The following DSCAML1 variants were observed in gnomAD, a reference collection of about 807,000 sequenced individuals.
DSCAML1 encodes DS cell adhesion molecule like 1.
In DSCAML1, 38 loss-of-function variants were observed where a neutral mutation model predicts 200.5. The ratio of observed to expected loss-of-function variants is 0.19; its 90% CI spans 0.15 to 0.25. The LOEUF (loss-of-function observed/expected upper bound fraction) is 0.25, where lower values mean the gene tolerates loss of function less well. Among genes scored for constraint, DSCAML1 ranks in the 10% least tolerant of loss-of-function variants. The pLI is 1.00. For missense variants in DSCAML1, 2,223 were observed against 2,858.8 expected, an observed-to-expected ratio of 0.78 and a Z score of 5.07; for synonymous variants, 1,215 against 1,165.0, an observed-to-expected ratio of 1.04 and a Z score of -0.87.
intron 3 of DSCAML1, among the ~76,000 whole-genome samples, chr11:117,664,419 G>A (rs1443531542): frequency 6.6e-6 from 1 of 152,124 alleles, no homozygotes; most frequent in Non-Finnish European, 1.5e-5. Context: ...TACTTCCCAG[G>A]GCCCCTCTGA....
At chr11:117,587,203 A>G (rs1398416886) in intron 3 of DSCAML1, among the ~76,000 whole-genome samples, 1 of 151,676 alleles carries the variant, frequency 6.6e-6, no homozygotes, top group Non-Finnish European at 1.5e-5. Flanking sequence ...TAGCTGATAC[A>G]TGGACAACGA....
At chr11:117,593,362 T>TGGGGCCTG (rs892032687) in intron 3 of DSCAML1, among the ~76,000 whole-genome samples, 4 of 152,224 alleles carry the variant, frequency 2.6e-5, no homozygotes, top group African/African-American at 7.2e-5. Context: ...TGCACCTCGC[T>TGGGGCCTG]GGGGCCTGGG....
In DSCAML1 at chr11:117,780,244, G is replaced by GAAAC; in HGVS notation, c.364+248_364+249insGTTT. On this transcript the variant is annotated intron_variant, in intron 2 of 32. Coordinates refer to ENST00000651296, the MANE Select transcript of DSCAML1 (RefSeq NM_020693.4). This position sits in a 1 kb window ranked among gnomAD's most constrained non-coding sequence, Gnocchi z 4.8. Reference sequence around the variant, plus strand: ...GAAAGAAAGAAAGGAAAGAAAGAAAGAAAGAAAGAAAGAAAGAAAGAAAGA... The same window carrying GAAAC: ...GAAAGAAAGAAAGGAAAGAAAGAAAGAAACAAAGAAAGAAAGAAAGAAAGAAAGA... Among the ~76,000 whole-genome samples, 1 of 69,548 alleles carries GAAAC rather than the reference G, an allele frequency of 1.4e-5. No homozygotes were observed. Among genetic ancestry groups the GAAAC allele is most frequent in the Non-Finnish European group, 3.2e-5 (1 of 31,088 alleles). The allele number at this position is 69,548 out of a possible 152,430, so 45.6% of individuals were successfully genotyped here. A position where few individuals can be genotyped will look rare whatever the true frequency, so the allele number is the denominator to read the frequency against.
chr11:117,805,540 GT>G (rs2055701490), intron 1 of DSCAML1, among the ~76,000 whole-genome samples: 1 of 152,030 alleles, frequency 6.6e-6, no homozygotes, highest in Non-Finnish European at 1.5e-5. Flanking sequence ...TGTGGGAGTT[GT>G]TTTTGTTTTT....
rs557365530 is a variant in DSCAML1 at position 117,468,559 on chromosome 11, C to T, written c.3024+1351G>A. Among the ~76,000 whole-genome samples the T allele has an allele frequency of 1.0e-3, 159 of 152,284 alleles. 1 individual carries two copies. The highest frequency in any genetic ancestry group is 6.8e-3 in the Middle Eastern group (2 of 294). On this transcript the variant is annotated intron_variant, in intron 16 of 32. Coordinates refer to ENST00000651296, the MANE Select transcript of DSCAML1 (RefSeq NM_020693.4). ...CTAGGATACAGGTCCACAGCCAGGA[C>T]GCAGCCAAGAGTTTGGGATTGGATG...
At chr11:117,714,503 A>G (rs4938428) in intron 3 of DSCAML1, among the ~76,000 whole-genome samples, 149,207 of 152,244 alleles carry the variant, frequency 0.98, 73,194 homozygotes, top group Middle Eastern at 1. Flanking sequence ...CATTACCCAC[A>G]TGAAGAAAAG....
chr11:117,472,051 C>T lies in DSCAML1; in HGVS notation c.2786-15G>A. Reference sequence around the variant, plus strand: ...GTCCCAGGAATCTGGAGAGAAGACACCTATGTCAAAGCATGGCCAGGCAAA... The same window carrying T: ...GTCCCAGGAATCTGGAGAGAAGACATCTATGTCAAAGCATGGCCAGGCAAA... On this transcript the variant is annotated splice_polypyrimidine_tract_variant and intron_variant, in intron 14 of 32. Transcript: ENST00000651296. 1 of 1,611,806 alleles carries T rather than the reference C, an allele frequency of 6.2e-7. No individual in the cohort carries two copies. The highest frequency in any genetic ancestry group is 8.5e-7 in the Non-Finnish European group (1 of 1,178,258).
intron 11 of DSCAML1, among the ~76,000 whole-genome samples, chr11:117,487,372 G>A (rs1037723318): frequency 9.2e-5 from 14 of 152,106 alleles, no homozygotes; most frequent in Non-Finnish European, 1.8e-4. Flanking sequence ...TTTGGCTCAC[G>A]TTATGGTTCT....
Position 117,465,012 on chromosome 11 carries a change from C to T in DSCAML1, c.3195G>A (p.Val1065=), listed in dbSNP as rs776864884. The T allele has an allele frequency of 1.2e-6, 2 of 1,614,082 alleles. No individual in the cohort carries two copies. The highest frequency in any genetic ancestry group is 4.5e-5 in the East Asian group (2 of 44,858). Residue 1065 remains valine (V), a synonymous_variant, in exon 17 of 33, where the codon GTG becomes GTA. Transcript: ENST00000651296. ...NLKKFAQYGV[V]VQAFNRAGTG... ...TGCCAGCCCGATTGAAGGCTTGGAC[C>T]ACCACCCCATACTGGGCGAACTTCT...
In DSCAML1 at chr11:117,524,941, C is replaced by T. The variant is rs768785823; in HGVS notation, c.801G>A (p.Pro267=). The T allele has an allele frequency of 2.2e-5, 35 of 1,613,332 alleles. No homozygotes were observed. Among genetic ancestry groups the T allele is most frequent in the Middle Eastern group, 3.3e-4 (2 of 6,052 alleles). Residue 267 remains proline (P), a synonymous_variant, in exon 5 of 33, where the codon CCG becomes CCA. Transcript: ENST00000651296. ...TGCGCTTGGTCCAGCGGCTGTCAGCCGGGAGGGGCCGGCCATCCTTGAGCC... is the reference window on the plus strand; with the variant it reads ...TGCGCTTGGTCCAGCGGCTGTCAGCTGGGAGGGGCCGGCCATCCTTGAGCC... ...IRWLKDGRPL[P]ADSRWTKRIT... is the part of the protein sequence containing the mutation.
chr11:117,711,985 C>T (rs1565888694), intron 3 of DSCAML1, among the ~76,000 whole-genome samples: 2 of 152,162 alleles, frequency 1.3e-5, no homozygotes, highest in African/African-American at 2.4e-5. Flanking sequence ...TGTTGCAGTG[C>T]GTTTGTGGAC....
rs545154889 is a variant in DSCAML1 at position 117,547,099 on chromosome 11, A to G, written c.512-14577T>C. Among the ~76,000 whole-genome samples, 9 of 152,308 alleles carry G rather than the reference A, an allele frequency of 5.9e-5. No individual in the cohort carries two copies. In the South Asian group the frequency reaches 1.9e-3, roughly 32 times the overall value. ...GGGAGAGAGGTTTGTTGAACAAACTATGAAAACAAGATGCCATAATAACAG... is the reference window on the plus strand; with the variant it reads ...GGGAGAGAGGTTTGTTGAACAAACTGTGAAAACAAGATGCCATAATAACAG... On this transcript the variant is annotated intron_variant, in intron 3 of 32. Coordinates refer to ENST00000651296, the MANE Select transcript of DSCAML1 (RefSeq NM_020693.4).
chr11:117,518,694 T>C lies in DSCAML1; in HGVS notation c.1282A>G (p.Met428Val), dbSNP rs111787247. Residue 428 changes from methionine (M) to valine (V), a missense_variant, in exon 7 of 33, where the codon ATG becomes GTG. By Grantham distance (21) the Met-to-Val change is conservative (BLOSUM62 1). Around this residue, in one of 7 missense-constraint regions of DSCAML1, gnomAD observed 579 missense variants for 721.5 expected, o/e 0.80. Coordinates refer to ENST00000651296, the MANE Select transcript of DSCAML1 (RefSeq NM_020693.4). This position sits in a 1 kb window ranked among gnomAD's most constrained non-coding sequence, Gnocchi z 6.3. ...GGCGGGGCGCCCTTGGCCGCACACATCAGTGAGAACTGCTCCCCGGGGTTG... is the reference window on the plus strand; with the variant it reads ...GGCGGGGCGCCCTTGGCCGCACACACCAGTGAGAACTGCTCCCCGGGGTTG... ...VVNPGEQFSL[M>V]CAAKGAPPPT... The C allele has an allele frequency of 1.3e-5, 21 of 1,613,320 alleles. No homozygotes were observed. In the African/African-American group the frequency reaches 1.7e-4, roughly 13 times the overall value.
chr11:117,617,654 T>C (rs1394580744), intron 3 of DSCAML1, among the ~76,000 whole-genome samples: 1 of 146,122 alleles, frequency 6.8e-6, no homozygotes, highest in Non-Finnish European at 1.5e-5. Flanking sequence ...CACAACACAC[T>C]GCCACAAGAC....
intron 3 of DSCAML1, among the ~76,000 whole-genome samples, chr11:117,597,559 C>T (rs987735106): frequency 3.3e-5 from 5 of 152,242 alleles, no homozygotes; most frequent in African/African-American, 1.2e-4. Context: ...AGCAATTCTC[C>T]TACCTCAGCC....
rs767055301 is a variant in DSCAML1, at chr11:117,481,990, G to T, written c.2532C>A (p.Asn844Lys). Residue 844 changes from asparagine (N) to lysine (K), a missense_variant, in exon 12 of 33, where the codon AAC (asparagine) becomes AAA (lysine). Coordinates refer to ENST00000651296, the MANE Select transcript of DSCAML1 (RefSeq NM_020693.4). ...TCAGTGTGGAGACGACCTCGTCGCC[G>T]TTGTCCTTGGTGGCGATGGCATACC... Reference protein sequence around the residue: ...VMRYAIATKDNGDEVVSTLKL... With the variant: ...VMRYAIATKDKGDEVVSTLKL... 4 of 1,614,152 alleles carry T rather than the reference G, an allele frequency of 2.5e-6. No homozygotes were observed. Among genetic ancestry groups the T allele is most frequent in the Non-Finnish European group, 3.4e-6 (4 of 1,180,002 alleles).
intron 3 of DSCAML1, among the ~76,000 whole-genome samples, chr11:117,732,159 T>A (rs2054233093): frequency 6.6e-6 from 1 of 152,224 alleles, no homozygotes; most frequent in South Asian, 2.1e-4. Context: ...GAAGAACAGG[T>A]GAATGCTGAT....
At chr11:117,441,820 G>A (rs142565261) in intron 21 of DSCAML1, among the ~76,000 whole-genome samples, 6 of 152,268 alleles carry the variant, frequency 3.9e-5, no homozygotes, top group Admixed American at 2.6e-4. Context: ...AGACAGGCCC[G>A]GCAGAGGGGT....
At chr11:117,704,027 T>C (rs760759061) in intron 3 of DSCAML1, among the ~76,000 whole-genome samples, 3 of 151,088 alleles carry the variant, frequency 2.0e-5, no homozygotes, top group African/African-American at 7.3e-5. Context: ...GGATCACCCA[T>C]GAGACTCTAA....
Sources: allele counts gnomAD v4.1 joint callset (sites outside exome capture counted in the v4.1 genomes callset), GRCh38; gene constraint gnomAD v4.1.1; regional missense constraint gnomAD v4.1.1; non-coding constraint Gnocchi (gnomAD v3.1); transcripts MANE v1.5; gene names NCBI Gene and HGNC (gene_info 2026-07-23, HGNC 2026-07-21).